The following ACAD11 variants were observed in gnomAD, a reference collection of about 807,000 sequenced individuals.
ACAD11 encodes acyl-CoA dehydrogenase family member 11.
ACAD11 carries 83 observed loss-of-function variants against 102.2 expected under a neutral mutation model. That is an observed-to-expected ratio of 0.81 (90% confidence interval 0.68 to 0.97). The LOEUF (loss-of-function observed/expected upper bound fraction) is 0.97. Ranked by LOEUF, ACAD11 falls within the 50% of genes least tolerant of loss-of-function variation. The pLI, the probability that ACAD11 is intolerant of heterozygous loss-of-function variation, is 0.00. For missense variants in ACAD11, 901 were observed against 951.7 expected (o/e 0.95, Z 0.70); for synonymous variants, 324 against 319.8 (o/e 1.01, Z -0.14).
At position 132,659,779 on chromosome 3, in the gene ACAD11, G is replaced by T; in HGVS notation, c.-28C>A. ...TCACCCCCGCAGGCCACAGCAACGC[G>T]GCATCCACAGGTCTCGAGTGCCGAA... On this transcript the variant is annotated 5_prime_UTR_variant, in exon 1 of 20. Transcript: ENST00000264990. The T allele has an allele frequency of 6.4e-7, 1 of 1,565,112 alleles. No individual in the cohort carries two copies. The highest frequency in any genetic ancestry group is 8.7e-7 in the Non-Finnish European group (1 of 1,154,504).
intron 19 of ACAD11, among the ~76,000 whole-genome samples, 195 bp downstream of exon 19, chr3:132,559,638 A>G (rs1936986606): frequency 6.6e-6 from 1 of 152,118 alleles, no homozygotes; most frequent in Non-Finnish European, 1.5e-5. Context: ...AAAAATTAAC[A>G]TAATGGAATG....
intron 13 of ACAD11, among the ~76,000 whole-genome samples, chr3:132,582,506 A>C (rs993604260): frequency 1.3e-5 from 2 of 152,002 alleles, no homozygotes; most frequent in African/African-American, 4.8e-5. Context: ...TGGATTCCCA[A>C]GTAGGAGACT....
intron 1 of ACAD11, among the ~76,000 whole-genome samples, chr3:132,652,693 A>C (rs1940973436): frequency 6.6e-6 from 1 of 152,204 alleles, no homozygotes; most frequent in Admixed American, 6.5e-5. Context: ...GTGACTTATT[A>C]AGGAAATGTT....
At chr3:132,574,655 C>T (rs769284009) in intron 17 of ACAD11, among the ~76,000 whole-genome samples, 13 of 152,138 alleles carry the variant, frequency 8.5e-5, no homozygotes, top group Non-Finnish European at 1.8e-4. Context: ...AATTCCATCA[C>T]CACAGATTTG....
intron 17 of ACAD11, among the ~76,000 whole-genome samples, chr3:132,567,227 C>T (rs1160727931): frequency 6.6e-6 from 1 of 152,154 alleles, no homozygotes; most frequent in African/African-American, 2.4e-5. Context: ...GATCCACCCG[C>T]CATGGCCTCC....
At chr3:132,643,219 G>T (rs144121004) in intron 2 of ACAD11, among the ~76,000 whole-genome samples, 1 of 152,302 alleles carries the variant, frequency 6.6e-6, no homozygotes, top group African/African-American at 2.4e-5. Context: ...GCCACAGTCA[G>T]CTACAAAGAG....
intron 9 of ACAD11, 70 bp downstream of exon 9, chr3:132,626,621 A>C: frequency 6.4e-7 from 1 of 1,556,348 alleles, no homozygotes; most frequent in Non-Finnish European, 8.8e-7. Flanking sequence ...CTTCTCCTAT[A>C]AGCAGAAATA....
intron 10 of ACAD11, chr3:132,619,054 T>C (rs1939514820): frequency 3.0e-6 from 1 of 336,052 alleles, no homozygotes. Flanking sequence ...TCAGAACTAT[T>C]ACAAAATCTC....
rs1371864798 is a variant in ACAD11, at chr3:132,628,504, T to A, written c.964-58A>T. 12 of 1,244,300 alleles carry A rather than the reference T, an allele frequency of 9.6e-6. No homozygotes were observed. The Admixed American group carries it at 2.4e-4, about 25-fold the overall frequency. 77.1% of individuals were successfully genotyped at this position (1,244,300 alleles called of 1,614,324 possible). On this transcript the variant is annotated intron_variant, in intron 7 of 19. Coordinates refer to ENST00000264990, the MANE Select transcript of ACAD11 (RefSeq NM_032169.5). ...TGAAAACCGTCCTTCAACAATCCAA[T>A]CAATCTTTCCAGTTTCTCAGTTATA...
intron 17 of ACAD11, among the ~76,000 whole-genome samples, chr3:132,574,533 T>C (rs1030857410): frequency 6.6e-6 from 1 of 152,104 alleles, no homozygotes; most frequent in Non-Finnish European, 1.5e-5. Context: ...AAAGCAAACA[T>C]AGATTATAAT....
intron 5 of ACAD11, among the ~76,000 whole-genome samples, chr3:132,631,727 G>C (rs944252018): frequency 6.6e-6 from 1 of 152,084 alleles, no homozygotes; most frequent in East Asian, 1.9e-4. Context: ...TAATATCTCT[G>C]CTAATGAGCA....
chr3:132,637,120 C>G (rs559180293), intron 5 of ACAD11, among the ~76,000 whole-genome samples: 6 of 151,902 alleles, frequency 3.9e-5, no homozygotes, highest in Non-Finnish European at 8.8e-5. Flanking sequence ...AAGTTTAGGG[C>G]TAGAAACTGG....
chr3:132,567,312 G>A (rs1937240899), intron 17 of ACAD11, among the ~76,000 whole-genome samples: 1 of 152,058 alleles, frequency 6.6e-6, no homozygotes, highest in Non-Finnish European at 1.5e-5. Flanking sequence ...AGAAGTTAAA[G>A]GAACTTAAAG....
At chr3:132,603,631 A>G (rs1350816230) in intron 12 of ACAD11, among the ~76,000 whole-genome samples, 1 of 152,236 alleles carries the variant, frequency 6.6e-6, no homozygotes, top group African/African-American at 2.4e-5. Flanking sequence ...AAATGTAGAT[A>G]AAAGTATTGT....
At chr3:132,616,286 T>G (rs1360316852) in intron 11 of ACAD11, among the ~76,000 whole-genome samples, 4 of 152,184 alleles carry the variant, frequency 2.6e-5, no homozygotes, top group Admixed American at 1.3e-4. Context: ...CTCATGAAAT[T>G]TTAATGCTAG....
At chr3:132,573,164 A>G (rs1018904316) in intron 17 of ACAD11, among the ~76,000 whole-genome samples, 1 of 151,994 alleles carries the variant, frequency 6.6e-6, no homozygotes, top group African/African-American at 2.4e-5. Context: ...CCCACTTATG[A>G]GTGAGAACAT....
Position 132,631,426 on chromosome 3 carries a change from C to A in ACAD11, c.756G>T (p.Leu252Phe). 1 of 1,566,624 alleles carries A rather than the reference C, an allele frequency of 6.4e-7. No homozygotes were observed. Among genetic ancestry groups the A allele is most frequent in the South Asian group, 1.2e-5 (1 of 82,872 alleles). ...DWELSTIGHP[L>F]SDLAHFSLFY... is the part of the protein sequence containing the mutation. The stretch of plus-strand genomic sequence containing the variant: ...ACAGGGAAAAATGAGCTAAGTCTGA[C>A]AAAGGATGACCAATGGTTGACAGCT... Residue 252 changes from leucine (L) to phenylalanine (F), a missense_variant, in exon 6 of 20, where the codon TTG (leucine) becomes TTT (phenylalanine). Leu to Phe is a conservative substitution (Grantham distance 22). Transcript: ENST00000264990.
intron 14 of ACAD11, 149 bp from the exon 15 acceptor site, chr3:132,579,030 C>A: frequency 6.6e-7 from 1 of 1,517,086 alleles, no homozygotes; most frequent in Non-Finnish European, 8.8e-7. Flanking sequence ...AAGACGTACA[C>A]CAACATAGTC....
intron 13 of ACAD11, among the ~76,000 whole-genome samples, chr3:132,594,385 G>C (rs1938211852): frequency 6.6e-6 from 1 of 152,034 alleles, no homozygotes; most frequent in African/African-American, 2.4e-5. Flanking sequence ...AGATATAAGA[G>C]ATAAGATGAT....
Sources: gnomAD v4.1 joint callset for allele counts (sites outside exome capture counted in the v4.1 genomes callset) on GRCh38, gnomAD v4.1.1 for gene constraint, MANE v1.5 for transcripts, NCBI Gene and HGNC (gene_info 2026-07-23, HGNC 2026-07-21) for gene names.